Variants in PCDHA2 observed in about 807,000 individuals in gnomAD.
PCDHA2 encodes protocadherin alpha 2.
A neutral mutation model predicts 66.0 loss-of-function variants in PCDHA2; 58 were observed. The ratio of observed to expected loss-of-function variants is 0.88; its 90% CI spans 0.71 to 1.09. PCDHA2 has a LOEUF of 1.09. Among genes scored for constraint, PCDHA2 ranks in the 50% least tolerant of loss-of-function variants. The probability of loss-of-function intolerance (pLI) is 0.00; values close to 1 mark genes in which losing one functional copy is unlikely to be tolerated. For synonymous variants in PCDHA2, 634 were observed against 554.0 expected (o/e 1.14, Z -2.03); for missense variants, 1,267 against 1,242.3 (o/e 1.02, Z -0.30).
chr5:140,907,158 T>C (rs1482177408), intron 1 of PCDHA2, among the ~76,000 whole-genome samples: 1 of 152,146 alleles, frequency 6.6e-6, no homozygotes, highest in Non-Finnish European at 1.5e-5. Flanking sequence ...AACAGTACCA[T>C]ATATTGGATG....
At chr5:140,988,026 T>A (rs1405610277) in intron 3 of PCDHA2, among the ~76,000 whole-genome samples, 1 of 152,152 alleles carries the variant, frequency 6.6e-6, no homozygotes, top group Non-Finnish European at 1.5e-5. Context: ...GATTCTTAAG[T>A]TTTTTAGAAT....
intron 1 of PCDHA2, among the ~76,000 whole-genome samples, chr5:140,894,571 T>C (rs782019282): frequency 2.0e-5 from 3 of 151,906 alleles, no homozygotes; most frequent in Non-Finnish European, 4.4e-5. Flanking sequence ...TTATTTTCCT[T>C]TTTTTTAATA....
intron 3 of PCDHA2, among the ~76,000 whole-genome samples, chr5:141,007,707 C>T (rs1027610738): frequency 6.6e-6 from 1 of 152,172 alleles, no homozygotes; most frequent in Non-Finnish European, 1.5e-5. Context: ...CCTCTGCCTC[C>T]CACCACCAGG....
intron 1 of PCDHA2, chr5:140,803,340 C>G (rs1485778021): frequency 1.2e-6 from 2 of 1,614,096 alleles, no homozygotes; most frequent in Non-Finnish European, 1.7e-6. Flanking sequence ...GGTGCTCACA[C>G]TGCTGCTATA....
At chr5:140,981,392 G>A (rs565370456) in intron 2 of PCDHA2, among the ~76,000 whole-genome samples, 1 of 152,208 alleles carries the variant, frequency 6.6e-6, no homozygotes, top group South Asian at 2.1e-4. Context: ...TGGTCAATAT[G>A]GTGAAAACCT....
chr5:140,834,543 C>T, intron 1 of PCDHA2: 4 of 1,614,084 alleles, frequency 2.5e-6, no homozygotes, highest in Non-Finnish European at 3.4e-6. Flanking sequence ...GGACCTGGGG[C>T]TGGAGCTGGC....
chr5:140,884,229 A>T (rs2060058344), intron 1 of PCDHA2: 2 of 1,613,258 alleles, frequency 1.2e-6, no homozygotes. Flanking sequence ...GTGAAGGACC[A>T]CGGTGAGCCC....
At chr5:140,827,999 G>C in intron 1 of PCDHA2, 1 of 1,484,116 alleles carries the variant, frequency 6.7e-7, no homozygotes, top group Non-Finnish European at 9.0e-7. Context: ...GATGGCGGAC[G>C]CAGAAGAAAT....
At chr5:140,897,772 C>T (rs1393087365) in intron 1 of PCDHA2, among the ~76,000 whole-genome samples, 2 of 152,192 alleles carry the variant, frequency 1.3e-5, no homozygotes, top group Non-Finnish European at 2.9e-5. Context: ...ACACTGACTT[C>T]CACAATGGTT....
chr5:140,968,094 A>G, intron 1 of PCDHA2: 1 of 1,614,138 alleles, frequency 6.2e-7, no homozygotes. Flanking sequence ...ACAGCCACAG[A>G]TGGGGGAATA....
intron 1 of PCDHA2, among the ~76,000 whole-genome samples, chr5:140,941,215 C>CTTTCTTTCTTTCTTTCTT (rs2092888517): frequency 9.6e-6 from 1 of 104,510 alleles, no homozygotes; most frequent in East Asian, 2.4e-4. Flanking sequence ...TTCTTTCTTC[C>CTTTCTTTCTTTCTTTCTT]TTTCTTTCTT....
intron 1 of PCDHA2, chr5:140,884,640 A>G: frequency 6.2e-7 from 1 of 1,610,250 alleles, no homozygotes; most frequent in East Asian, 2.2e-5. Context: ...CAGAGGGAGG[A>G]GGACTCAGAA....
intron 1 of PCDHA2, among the ~76,000 whole-genome samples, chr5:140,955,670 T>C (rs1212129993): frequency 6.6e-6 from 1 of 152,140 alleles, no homozygotes; most frequent in East Asian, 1.9e-4. Flanking sequence ...TTTAACATAG[T>C]TTTTTCGAAA....
intron 1 of PCDHA2, among the ~76,000 whole-genome samples, chr5:140,951,224 A>G (rs539647356): frequency 3.2e-4 from 49 of 151,938 alleles, no homozygotes; most frequent in Non-Finnish European, 6.9e-4. Context: ...TGGATTCTTG[A>G]TGGTCTTTAC....
At chr5:140,803,858 G>T in intron 1 of PCDHA2, 1 of 575,694 alleles carries the variant, frequency 1.7e-6, no homozygotes, top group South Asian at 2.3e-5. Context: ...AAATGCCTGG[G>T]TATAAGACAA....
chr5:140,966,047 T>G (rs1463127286), intron 1 of PCDHA2, among the ~76,000 whole-genome samples: 1 of 152,214 alleles, frequency 6.6e-6, no homozygotes, highest in Admixed American at 6.5e-5. Flanking sequence ...CCATCGCCAG[T>G]AACCCCAGAG....
rs138197407 is a variant in PCDHA2, at chr5:140,857,304, C to T, written c.2388+59952C>T. On this transcript the variant is annotated intron_variant, in intron 1 of 3. Coordinates refer to ENST00000526136, the MANE Select transcript of PCDHA2 (RefSeq NM_018905.3). The stretch of plus-strand genomic sequence containing the variant: ...GCTCTGGACCGCGAGAGGGTGTCGG[C>T]CTATGAGCTGGTGGTGACCGCGCGG... 1.9e-5 allele frequency: 30 copies of T among 1,598,646 alleles called. No homozygotes were observed. In the African/African-American group the frequency reaches 3.6e-4, roughly 19 times the overall value.
intron 1 of PCDHA2, among the ~76,000 whole-genome samples, chr5:140,918,027 G>A (rs782291548): frequency 8.5e-5 from 13 of 152,226 alleles, no homozygotes; most frequent in African/African-American, 1.9e-4. Context: ...ACCCATGAGC[G>A]TGGAAGGTCT....
rs781863441 is a variant in PCDHA2 at position 140,858,454 on chromosome 5, C to A, written c.2388+61102C>A. The A allele has an allele frequency of 2.0e-6, 3 of 1,529,822 alleles. No homozygotes were observed. The South Asian group carries it at 3.6e-5, about 18-fold the overall frequency. The allele number at this position is 1,529,822 out of a possible 1,614,324, so 94.8% of individuals were successfully genotyped here. On this transcript the variant is annotated intron_variant, in intron 1 of 3. Coordinates refer to ENST00000526136, the MANE Select transcript of PCDHA2 (RefSeq NM_018905.3). ...CTAGGAAGGTGGGTTATTACGTTTT[C>A]ATTTTCCTTTTGTGCTTTATGAATA...
Sources: allele counts gnomAD v4.1 joint callset (sites outside exome capture counted in the v4.1 genomes callset), GRCh38; gene constraint gnomAD v4.1.1; transcripts MANE v1.5; gene names NCBI Gene and HGNC (gene_info 2026-07-23, HGNC 2026-07-21).